Variants in NEBL observed in about 807,000 individuals in gnomAD.
NEBL encodes the protein nebulette, also known as LIM and SH3 protein 2.
Under a neutral mutation model 140.2 loss-of-function variants are expected in NEBL, and 122 were observed. The observed-to-expected ratio is 0.87, with a 90% CI of 0.75 to 1.01. The LOEUF (loss-of-function observed/expected upper bound fraction) is 1.01. NEBL is among the 50% of genes least tolerant of loss of function. The pLI, the probability that NEBL is intolerant of heterozygous loss-of-function variation, is 0.00. For synonymous variants in NEBL, 436 were observed against 398.9 expected (o/e 1.09, Z -1.11); for missense variants, 1,365 against 1,231.3 (o/e 1.11, Z -1.62).
At chr10:20,860,915 G>A (rs1219571171) in intron 7 of NEBL, among the ~76,000 whole-genome samples, 2 of 152,056 alleles carry the variant, frequency 1.3e-5, no homozygotes, top group African/African-American at 2.4e-5. Context: ...TGGGAATACA[G>A]CATTTGGTAA....
intron 7 of NEBL, among the ~76,000 whole-genome samples, chr10:20,865,318 G>C (rs1456425620): frequency 6.6e-6 from 1 of 152,146 alleles, no homozygotes; most frequent in Non-Finnish European, 1.5e-5. Flanking sequence ...TTTACTCACA[G>C]TAACTCATTT....
intron 2 of NEBL, among the ~76,000 whole-genome samples, chr10:21,154,458 CAAA>C (rs368260076): frequency 3.4e-5 from 4 of 117,692 alleles, no homozygotes; most frequent in Admixed American, 9.2e-5. Flanking sequence ...GACTCTGCTT[CAAA>C]AAAAAAAAAA....
chr10:20,878,754 G>A (rs1321106285), intron 5 of NEBL, among the ~76,000 whole-genome samples: 1 of 152,132 alleles, frequency 6.6e-6, no homozygotes, highest in East Asian at 1.9e-4. Flanking sequence ...AGTCAAGTCG[G>A]CAGAGGAGTA....
chr10:21,189,566 GC>G (rs1841537985), intron 3 of NEBL, among the ~76,000 whole-genome samples: 1 of 152,156 alleles, frequency 6.6e-6, no homozygotes, highest in South Asian at 2.1e-4. Flanking sequence ...CCGGGTTCCC[GC>G]CAGTCTCCTG....
At chr10:20,912,490 A>T (rs1266564319) in intron 4 of NEBL, among the ~76,000 whole-genome samples, 1 of 152,120 alleles carries the variant, frequency 6.6e-6, no homozygotes, top group Admixed American at 6.6e-5. Flanking sequence ...GTATCTCAAC[A>T]CAAGCTTTCT....
intron 3 of NEBL, among the ~76,000 whole-genome samples, chr10:21,184,314 C>T (rs947644498): frequency 6.6e-6 from 1 of 152,204 alleles, no homozygotes; most frequent in Non-Finnish European, 1.5e-5. Flanking sequence ...GTAACCCATG[C>T]TAACCCATTG....
intron 2 of NEBL, among the ~76,000 whole-genome samples, chr10:21,025,679 C>T (rs560446368): frequency 6.6e-6 from 1 of 152,238 alleles, no homozygotes; most frequent in African/African-American, 2.4e-5. Context: ...GATTCCGGTG[C>T]TTATAGGAGC....
intron 2 of NEBL, among the ~76,000 whole-genome samples, chr10:21,107,431 G>A (rs1414361810): frequency 1.3e-5 from 2 of 152,098 alleles, no homozygotes; most frequent in African/African-American, 2.4e-5. Flanking sequence ...AGAATCAAGT[G>A]GTTTTTGCTG....
rs573117709 is a variant in NEBL at position 21,118,171 on chromosome 10, G to A, written c.164+54212C>T. Among the ~76,000 whole-genome samples, 4 of 152,210 alleles carry A rather than the reference G, an allele frequency of 2.6e-5. No homozygotes were observed. In the Middle Eastern group the frequency reaches 0.01, roughly 388 times the overall value. ...ACCTGAACTGTCTATACCAGCTGAA[G>A]AAATTCATCAAGTTCAATGCCTGAC... On this transcript the variant is annotated intron_variant, in intron 2 of 6. Transcript: ENST00000417816.
At chr10:20,943,847 A>C (rs141358908) in intron 4 of NEBL, among the ~76,000 whole-genome samples, 22 of 152,354 alleles carry the variant, frequency 1.4e-4, no homozygotes, top group African/African-American at 5.1e-4. Context: ...GCATCCTCAT[A>C]AGCTGGCAAA....
At chr10:21,149,062 G>A (rs529699568) in intron 2 of NEBL, among the ~76,000 whole-genome samples, 2 of 152,238 alleles carry the variant, frequency 1.3e-5, no homozygotes, top group Admixed American at 6.5e-5. Context: ...TTCCCCACTC[G>A]TCTGTTAGGA....
chr10:21,067,214 G>A (rs1366563512), intron 2 of NEBL, among the ~76,000 whole-genome samples: 5 of 151,850 alleles, frequency 3.3e-5, no homozygotes, highest in Non-Finnish European at 7.4e-5. Context: ...CTTGTGATCC[G>A]CCCACCTCGG....
intron 4 of NEBL, among the ~76,000 whole-genome samples, chr10:20,939,506 C>A (rs1249555659): frequency 6.6e-6 from 1 of 152,180 alleles, no homozygotes; most frequent in East Asian, 1.9e-4. Flanking sequence ...ACCATCGAGG[C>A]TAGGAAGAAA....
In NEBL at chr10:21,020,315, G is replaced by C. The variant is rs1838736578; in HGVS notation, c.165-114C>G. On this transcript the variant is annotated intron_variant, in intron 2 of 6. Transcript: ENST00000417816. ...TTCCCAACCCCATCACAGTGGAAGAGGGACCTGAGCTTGGCTAAGGTCATC... is the reference window on the plus strand; with the variant it reads ...TTCCCAACCCCATCACAGTGGAAGACGGACCTGAGCTTGGCTAAGGTCATC... 4.7e-5 allele frequency: 42 copies of C among 892,300 alleles called. No individual in the cohort carries two copies. In the South Asian group the frequency reaches 5.6e-4, roughly 12 times the overall value. 55.3% of individuals were successfully genotyped at this position (892,300 alleles called of 1,614,324 possible).
intron 3 of NEBL, among the ~76,000 whole-genome samples, chr10:21,199,153 T>A (rs1841695798): frequency 6.6e-6 from 1 of 151,304 alleles, no homozygotes. Flanking sequence ...GACTTCTGAG[T>A]TGCTGGGACG....
At chr10:21,025,959 A>T (rs1302810729) in intron 2 of NEBL, among the ~76,000 whole-genome samples, 1 of 152,140 alleles carries the variant, frequency 6.6e-6, no homozygotes, top group Non-Finnish European at 1.5e-5. Flanking sequence ...AACTACTACT[A>T]CTTTCTCTTT....
chr10:20,891,526 T>C (rs1383633328), intron 2 of NEBL, among the ~76,000 whole-genome samples: 2 of 152,212 alleles, frequency 1.3e-5, no homozygotes, highest in African/African-American at 2.4e-5. Flanking sequence ...CCCATCACAT[T>C]CACATTCTTC....
Position 20,831,294 on chromosome 10 carries a change from TC to T in NEBL, c.1572del (p.Lys525ArgfsTer3), listed in dbSNP as rs879600856. The T allele has an allele frequency of 6.8e-6, 11 of 1,608,456 alleles. No individual in the cohort carries two copies. Among genetic ancestry groups the T allele is most frequent in the Non-Finnish European group, 8.5e-6 (10 of 1,175,616 alleles). ...ASEMASQKQY[K>X]KDLENEIKGK... Reference sequence around the variant, plus strand: ...CCTTTAATTTCATTTTCTAAGTCCTTCTTGTATTGTTTCTAAAAGAACAGAA... The same window carrying T: ...CCTTTAATTTCATTTTCTAAGTCCTTTTGTATTGTTTCTAAAAGAACAGAA... On this transcript the variant is annotated frameshift_variant, in exon 16 of 28. Transcript: ENST00000377122. LOFTEE classifies it high-confidence loss of function.
chr10:21,152,700 A>G (rs1449816592), intron 2 of NEBL, among the ~76,000 whole-genome samples: 4 of 152,148 alleles, frequency 2.6e-5, no homozygotes, highest in Non-Finnish European at 5.9e-5. Context: ...TACTTGGTTC[A>G]AGCACAAACT....
Sources: gnomAD v4.1 joint callset for allele counts (sites outside exome capture counted in the v4.1 genomes callset) on GRCh38, gnomAD v4.1.1 for gene constraint, MANE v1.5 for transcripts, NCBI Gene and HGNC (gene_info 2026-07-23, HGNC 2026-07-21) for gene names.